Variants in USH2A observed in about 807,000 individuals in gnomAD.
USH2A encodes usherin.
A neutral mutation model predicts 538.9 loss-of-function variants in USH2A; 443 were observed. The ratio of observed to expected loss-of-function variants is 0.82; its 90% confidence interval spans 0.76 to 0.89. The LOEUF (loss-of-function observed/expected upper bound fraction) is 0.89, where lower values mean the gene tolerates loss of function less well. USH2A is among the 40% of genes least tolerant of loss of function. USH2A has a pLI of 0.00. For synonymous variants in USH2A, 2,413 were observed against 2,273.5 expected (o/e 1.06, Z -1.75); for missense variants, 6,633 against 6,324.8 (o/e 1.05, Z -1.65).
At chr1:216,220,076 T>C (rs1184210458) in intron 14 of USH2A, among the ~76,000 whole-genome samples, 1 of 152,134 alleles carries the variant, frequency 6.6e-6, no homozygotes, top group African/African-American at 2.4e-5. Flanking sequence ...TTATTACTGT[T>C]GAAACCTAAC....
chr1:215,756,385 A>G (rs2820728), intron 58 of USH2A, among the ~76,000 whole-genome samples: 69,730 of 152,070 alleles, frequency 0.46, 18,200 homozygotes, highest in Non-Finnish European at 0.59. Context: ...ATAATGTTAA[A>G]ATAACAGATA....
intron 4 of USH2A, among the ~76,000 whole-genome samples, chr1:216,337,897 G>A (rs2038003366): frequency 6.6e-6 from 1 of 150,742 alleles, no homozygotes; most frequent in Non-Finnish European, 1.5e-5. Flanking sequence ...TTTAATAAAA[G>A]ATACTATTTA....
At chr1:215,680,011 A>T in intron 62 of USH2A, 138 bp downstream of exon 62, 2 of 827,116 alleles carry the variant, frequency 2.4e-6, no homozygotes, top group Non-Finnish European at 4.0e-6. Flanking sequence ...ATCTATGATT[A>T]AGTGCCTGGA....
chr1:215,743,889 A>C (rs1660390690), intron 58 of USH2A, among the ~76,000 whole-genome samples: 1 of 152,110 alleles, frequency 6.6e-6, no homozygotes, highest in African/African-American at 2.4e-5. Context: ...AGCTTCACAA[A>C]AGTTAAGTTG....
At position 215,741,390 on chromosome 1, in the gene USH2A, TTGA is replaced by T. The variant is rs727504714; in HGVS notation, c.11693_11695del (p.Ile3898del). ...CCAATCTTACCTGTAAATAAAGTAG[TTGA>T]TGATGATTCCATTTGGTTTTTCAGG... On this transcript the variant is annotated inframe_deletion, in exon 60 of 72. Coordinates refer to ENST00000307340, the MANE Select transcript of USH2A (RefSeq NM_206933.4). The T allele has an allele frequency of 5.6e-6, 9 of 1,613,968 alleles. No individual in the cohort carries two copies. The African/African-American group carries it at 8.0e-5, about 14-fold the overall frequency.
intron 3 of USH2A, among the ~76,000 whole-genome samples, chr1:216,404,939 A>T (rs373079695): frequency 8.3e-6 from 1 of 121,076 alleles, no homozygotes. Context: ...TTTGTAAAGA[A>T]AAGGTGCCCA....
At chr1:215,941,078 T>C (rs1166974505) in intron 37 of USH2A, among the ~76,000 whole-genome samples, 1 of 152,138 alleles carries the variant, frequency 6.6e-6, no homozygotes, top group African/African-American at 2.4e-5. Flanking sequence ...GCTCTCTCTA[T>C]GTACCACAGT....
chr1:216,386,304 T>C (rs1176174408), intron 3 of USH2A, among the ~76,000 whole-genome samples: 2 of 151,690 alleles, frequency 1.3e-5, no homozygotes, highest in Non-Finnish European at 2.9e-5. Context: ...GAGACCATCC[T>C]GGCTAACACG....
chr1:216,261,453 A>AG (rs2036369729), intron 11 of USH2A, among the ~76,000 whole-genome samples: 1 of 151,036 alleles, frequency 6.6e-6, no homozygotes, highest in Non-Finnish European at 1.5e-5. Context: ...TATATCCAAA[A>AG]AAAAAAAAAA....
intron 44 of USH2A, among the ~76,000 whole-genome samples, chr1:215,847,388 G>A (rs559614256): frequency 6.6e-6 from 1 of 152,138 alleles, no homozygotes; most frequent in East Asian, 1.9e-4. Flanking sequence ...CACAGTGGCT[G>A]ACACCTGTAA....
chr1:215,935,098 A>C (rs1666460663), intron 37 of USH2A, among the ~76,000 whole-genome samples: 1 of 152,056 alleles, frequency 6.6e-6, no homozygotes, highest in African/African-American at 2.4e-5. Flanking sequence ...ATATAAGTAA[A>C]AGTATTGCAC....
intron 33 of USH2A, among the ~76,000 whole-genome samples, chr1:215,999,819 A>G (rs1010403254): frequency 6.6e-5 from 10 of 152,242 alleles, no homozygotes; most frequent in African/African-American, 2.4e-4. Context: ...GTCAGAATTC[A>G]TTTAGTCTAA....
chr1:216,278,043 C>A (rs1361456823), intron 11 of USH2A, among the ~76,000 whole-genome samples: 1 of 152,106 alleles, frequency 6.6e-6, no homozygotes, highest in African/African-American at 2.4e-5. Flanking sequence ...GGTAGCAAGG[C>A]AATGGGCCTT....
chr1:216,224,285 G>C (rs1286661334), intron 14 of USH2A, among the ~76,000 whole-genome samples: 1 of 152,156 alleles, frequency 6.6e-6, no homozygotes, highest in Non-Finnish European at 1.5e-5. Flanking sequence ...TAAGTGCAGG[G>C]TGTCAAATAT....
intron 21 of USH2A, among the ~76,000 whole-genome samples, chr1:216,125,665 G>A (rs945793300): frequency 2.6e-5 from 4 of 152,184 alleles, no homozygotes; most frequent in African/African-American, 7.2e-5. Context: ...TTTTTTAGTG[G>A]TTCCATCTCT....
At chr1:216,183,224 A>G (rs2034527371) in intron 20 of USH2A, among the ~76,000 whole-genome samples, 1 of 152,026 alleles carries the variant, frequency 6.6e-6, no homozygotes, top group South Asian at 2.1e-4. Flanking sequence ...TGACAATCAC[A>G]GCAATCATCA....
At chr1:215,881,687 TA>T (rs1664913146) in intron 41 of USH2A, among the ~76,000 whole-genome samples, 1 of 152,234 alleles carries the variant, frequency 6.6e-6, no homozygotes, top group South Asian at 2.1e-4. Context: ...ATGTGTTCTT[TA>T]AAACAATAAT....
intron 30 of USH2A, among the ~76,000 whole-genome samples, chr1:216,061,111 G>T (rs2031165399): frequency 6.6e-6 from 1 of 152,210 alleles, no homozygotes; most frequent in Admixed American, 6.5e-5. Flanking sequence ...GCCCAAAGGG[G>T]CCCATTTGCT....
At chr1:216,384,810 C>T (rs920620451) in intron 3 of USH2A, among the ~76,000 whole-genome samples, 2 of 152,136 alleles carry the variant, frequency 1.3e-5, no homozygotes, top group African/African-American at 4.8e-5. Flanking sequence ...TAAAAGACTA[C>T]TAAAGATATT....
Sources: allele counts gnomAD v4.1 joint callset (sites outside exome capture counted in the v4.1 genomes callset), GRCh38; gene constraint gnomAD v4.1.1; transcripts MANE v1.5; gene names NCBI Gene and HGNC (gene_info 2026-07-23, HGNC 2026-07-21).